Variants in FAT1 observed in about 807,000 individuals in gnomAD.
The protein encoded by FAT1 is protocadherin Fat 1.
In FAT1, 171 loss-of-function variants were observed where a neutral mutation model predicts 329.8. That is an observed-to-expected ratio of 0.52 (90% CI 0.46 to 0.59). The LOEUF is 0.59. Ranked by LOEUF, FAT1 falls within the 20% of genes least tolerant of loss-of-function variation. The probability of loss-of-function intolerance (pLI) is 0.00; values close to 1 mark genes in which losing one functional copy is unlikely to be tolerated. For synonymous variants in FAT1, 2,233 were observed against 2,228.6 expected (o/e 1.00, Z -0.06); for missense variants, 5,672 against 5,774.4 (o/e 0.98, Z 0.57).
intron 7 of FAT1, among the ~76,000 whole-genome samples, chr4:186,630,175 C>A (rs971093464): frequency 6.6e-6 from 1 of 152,214 alleles, no homozygotes; most frequent in African/African-American, 2.4e-5. Flanking sequence ...ATGTTCTGCA[C>A]ATGCACAGCC....
intron 3 of FAT1, among the ~76,000 whole-genome samples, chr4:186,649,054 C>T (rs187934419): frequency 6.6e-4 from 100 of 152,174 alleles, no homozygotes; most frequent in African/African-American, 2.3e-3. Context: ...AAGAAATACA[C>T]AGTATTTCTC....
In FAT1 at chr4:186,609,220, C is replaced by T; in HGVS notation, c.10169G>A (p.Gly3390Glu). The T allele has an allele frequency of 6.2e-7, 1 of 1,613,980 alleles. No individual in the cohort carries two copies. Among genetic ancestry groups the T allele is most frequent in the Non-Finnish European group, 8.5e-7 (1 of 1,179,874 alleles). Reference protein sequence around the residue: ...GSSFTIDPVRGEVKVTKLLDR... With the variant: ...GSSFTIDPVREEVKVTKLLDR... ...GAGAAGTTTGGTCACTTTGACTTCT[C>T]CCCTGACGGGGTCAATTGTGAACGA... Residue 3390 changes from glycine (G) to glutamate (E), a missense_variant, in exon 16 of 27, where the codon GGA (glycine) becomes GAA (glutamate). Transcript: ENST00000441802.
chr4:186,668,150 A>G (rs1742547127), intron 2 of FAT1, among the ~76,000 whole-genome samples: 1 of 152,168 alleles, frequency 6.6e-6, no homozygotes, highest in Admixed American at 6.5e-5. Flanking sequence ...GGAAGCCTTA[A>G]GCGTGCCAAG....
chr4:186,623,824 A>G (rs1740164277), intron 9 of FAT1, among the ~76,000 whole-genome samples: 1 of 152,184 alleles, frequency 6.6e-6, no homozygotes, highest in Admixed American at 6.5e-5. Flanking sequence ...TACAGCATGG[A>G]TTACAACCTT....
chr4:186,693,722 G>A (rs1743902401), intron 2 of FAT1, among the ~76,000 whole-genome samples: 1 of 152,192 alleles, frequency 6.6e-6, no homozygotes, highest in Non-Finnish European at 1.5e-5. Flanking sequence ...GAGGTTTTGG[G>A]ATGGTTTGTT....
In FAT1 at chr4:186,646,676, ATATT is replaced by A. The variant is rs747289486; in HGVS notation, c.3581-6897_3581-6894del. Among the ~76,000 whole-genome samples the A allele has an allele frequency of 1.2e-3, 188 of 152,214 alleles. 3 individuals are homozygous for A. Among genetic ancestry groups the A allele is most frequent in the Non-Finnish European group, 3.8e-4 (26 of 68,004 alleles). ...CTGTGGTTAAAATTTGAAGCAAAAA[ATATT>A]TATCTAAATCCAAATTTTTGTAGAC... On this transcript the variant is annotated intron_variant, in intron 3 of 26. Transcript: ENST00000441802.
At position 186,609,922 on chromosome 4, in the gene FAT1, C is replaced by A. The variant is rs1739324654; in HGVS notation, c.9947G>T (p.Ser3316Ile). Residue 3316 changes from serine (S) to isoleucine (I), a missense_variant, in exon 15 of 27, where the codon AGC becomes ATC. Ser to Ile is a moderately radical substitution (Grantham distance 142). Transcript: ENST00000441802. Reference protein sequence around the residue: ...EATDGGTPSLSDVATVNVNVT... With the variant: ...EATDGGTPSLIDVATVNVNVT... ...ATTAACGTTCACAGTGGCAACGTCGCTCAGTGAAGGCGTGCCTCCATCAGT... is the reference window on the plus strand; with the variant it reads ...ATTAACGTTCACAGTGGCAACGTCGATCAGTGAAGGCGTGCCTCCATCAGT... 1 of 1,613,168 alleles carries A rather than the reference C, an allele frequency of 6.2e-7. No homozygotes were observed. Among genetic ancestry groups the A allele is most frequent in the African/African-American group, 1.3e-5 (1 of 74,894 alleles).
At chr4:186,686,358 T>TAC (rs944683213) in intron 2 of FAT1, among the ~76,000 whole-genome samples, 1 of 152,076 alleles carries the variant, frequency 6.6e-6, no homozygotes, top group African/African-American at 2.4e-5. Flanking sequence ...ATACCAGAAT[T>TAC]ATGTAAGTAT....
At chr4:186,654,281 G>T (rs1198112148) in intron 3 of FAT1, among the ~76,000 whole-genome samples, 1 of 152,220 alleles carries the variant, frequency 6.6e-6, no homozygotes, top group Admixed American at 6.5e-5. Context: ...TGTGGAAGCT[G>T]CTCGTAATAG....
At position 186,683,229 on chromosome 4, in the gene FAT1, G is replaced by A. The variant is rs150976723; in HGVS notation, c.3266-19616C>T. Among the ~76,000 whole-genome samples the A allele has an allele frequency of 2.6e-4, 39 of 152,306 alleles. No homozygotes were observed. In the East Asian group the frequency reaches 5.8e-3, roughly 23 times the overall value. ...TGCAAAAATCCTTAACACATGCCCT[G>A]TTTTCCTCCACAGCACCGCTCAGCT... is the stretch of plus-strand genomic sequence containing the variant. On this transcript the variant is annotated intron_variant, in intron 2 of 26. Transcript: ENST00000441802.
At chr4:186,669,904 C>G (rs1050297367) in intron 2 of FAT1, among the ~76,000 whole-genome samples, 1 of 152,190 alleles carries the variant, frequency 6.6e-6, no homozygotes, top group African/African-American at 2.4e-5. Flanking sequence ...CTCCTACTCC[C>G]CGCCACTGCT....
intron 5 of FAT1, 105 bp downstream of exon 5, chr4:186,636,480 C>T (rs1443962258): frequency 4.0e-6 from 5 of 1,264,268 alleles, no homozygotes; most frequent in African/African-American, 3.0e-5. Flanking sequence ...GTCACAAACA[C>T]TTCAGCCGTT....
intron 6 of FAT1, 34 bp from the exon 7 acceptor site, chr4:186,633,857 C>A (rs756503498): frequency 1.9e-6 from 3 of 1,612,646 alleles, no homozygotes; most frequent in Non-Finnish European, 1.7e-6. Context: ...AAACAGGTCA[C>A]AGGATAACAC....
intron 9 of FAT1, among the ~76,000 whole-genome samples, chr4:186,622,138 C>G (rs1284737071): frequency 6.6e-6 from 1 of 152,194 alleles, no homozygotes; most frequent in Non-Finnish European, 1.5e-5. Flanking sequence ...CCTCAAAACA[C>G]TTCTGGACCA....
At chr4:186,592,008 A>G (rs2126368529) in intron 26 of FAT1, among the ~76,000 whole-genome samples, 1 of 152,314 alleles carries the variant, frequency 6.6e-6, no homozygotes, top group Admixed American at 6.5e-5. Context: ...GACCTGTTGG[A>G]TCAGAAATGC....
At chr4:186,668,379 G>A (rs1444767957) in intron 2 of FAT1, among the ~76,000 whole-genome samples, 1 of 152,154 alleles carries the variant, frequency 6.6e-6, no homozygotes, top group African/African-American at 2.4e-5. Flanking sequence ...GGTAGAGCTA[G>A]CCTTCGCCAT....
At position 186,588,363 on chromosome 4, in the gene FAT1, A is replaced by G; in HGVS notation, c.*229T>C. On this transcript the variant is annotated 3_prime_UTR_variant, in exon 27 of 27. Coordinates refer to ENST00000441802, the MANE Select transcript of FAT1 (RefSeq NM_005245.4). ...CGTTTGATTATTTTAACACAGACAG[A>G]TGTAAATCCCAAAAGACGTTGGGAA... is the stretch of plus-strand genomic sequence containing the variant. 1 of 530,078 alleles carries G rather than the reference A, an allele frequency of 1.9e-6. No individual in the cohort carries two copies. Among genetic ancestry groups the G allele is most frequent in the East Asian group, 3.0e-5 (1 of 33,890 alleles). The allele number at this position is 530,078 out of a possible 1,614,324, so 32.8% of individuals were successfully genotyped here.
chr4:186,588,918 G>A lies in FAT1; in HGVS notation c.13441C>T (p.Arg4481Trp), dbSNP rs35485176. The change falls in exon 27 of 27, where the codon CGG becomes TGG. Residue 4481 changes from arginine (R) to tryptophan (W), a missense_variant. Coordinates refer to ENST00000441802, the MANE Select transcript of FAT1 (RefSeq NM_005245.4). ...AGSLGSSSRN[R>W]QRFNLNQYLP... ...TACTGATTCAAGTTGAACCTCTGCC[G>A]GTTTCTTGATGAAGAACCCAAGCTA... 3.1e-4 allele frequency: 495 copies of A among 1,613,904 alleles called. 3 individuals carry two copies. In the African/African-American group the frequency reaches 5.0e-3, roughly 16 times the overall value.
intron 2 of FAT1, among the ~76,000 whole-genome samples, chr4:186,686,040 G>A (rs1743443741): frequency 6.6e-6 from 1 of 152,186 alleles, no homozygotes; most frequent in African/African-American, 2.4e-5. Flanking sequence ...TGGGCAGTCA[G>A]CAAATAAAGG....
Sources: allele counts gnomAD v4.1 joint callset (sites outside exome capture counted in the v4.1 genomes callset), GRCh38; gene constraint gnomAD v4.1.1; transcripts MANE v1.5; gene names NCBI Gene and HGNC (gene_info 2026-07-23, HGNC 2026-07-21).